The following TMEM156 variants were observed in gnomAD, a reference collection of about 807,000 sequenced individuals.
The protein encoded by TMEM156 is transmembrane protein 156.
Under a neutral mutation model 30.5 loss-of-function variants are expected in TMEM156, and 28 were observed. The observed-to-expected ratio is 0.92, with a 90% CI of 0.68 to 1.26. The LOEUF (loss-of-function observed/expected upper bound fraction) is 1.26. Among genes scored for constraint, TMEM156 ranks in the 50% most tolerant of loss-of-function variants. TMEM156 has a pLI of 0.00. For missense variants in TMEM156, 351 were observed against 340.6 expected (o/e 1.03, Z -0.24); for synonymous variants, 137 against 119.9 (o/e 1.14, Z -0.93).
intron 5 of TMEM156, among the ~76,000 whole-genome samples, chr4:38,973,989 G>A (rs1227057007): frequency 6.6e-6 from 1 of 151,894 alleles, no homozygotes; most frequent in African/African-American, 2.4e-5. Context: ...ATGATGATGA[G>A]TAACAGGTTT....
At chr4:39,012,314 A>T (rs1180764840) in intron 1 of TMEM156, among the ~76,000 whole-genome samples, 2 of 152,344 alleles carry the variant, frequency 1.3e-5, no homozygotes, top group South Asian at 4.1e-4. Flanking sequence ...TCTTTGTAAA[A>T]GAGAAATATT....
At chr4:38,967,671 T>C (rs1722409658) in intron 6 of TMEM156, 30 bp from the exon 7 acceptor site, 1 of 152,254 alleles carries the variant, frequency 6.6e-6, no homozygotes, top group South Asian at 2.1e-4. Flanking sequence ...CAAGAAAATA[T>C]TATTCACACA....
chr4:38,991,791 T>A (rs1026854482), intron 3 of TMEM156, among the ~76,000 whole-genome samples: 1 of 152,188 alleles, frequency 6.6e-6, no homozygotes, highest in African/African-American at 2.4e-5. Context: ...AAAAAATATG[T>A]TTTTGATGTC....
Position 38,975,414 on chromosome 4 carries a change from G to A in TMEM156, c.824-4277C>T, listed in dbSNP as rs1300094257. Among the ~76,000 whole-genome samples the A allele has an allele frequency of 4.7e-5, 6 of 128,640 alleles. No homozygotes were observed. In the South Asian group the frequency reaches 7.1e-4, roughly 15 times the overall value. The allele number at this position is 128,640 out of a possible 152,430, so 84.4% of individuals were successfully genotyped here. On this transcript the variant is annotated intron_variant, in intron 5 of 6. Transcript: ENST00000381938. ...TTTTTTTTTTTTGAGACAGAGTCTC[G>A]CTTTTTCACCCAAGCTGGAGTGCAG... is the stretch of plus-strand genomic sequence containing the variant.
intron 2 of TMEM156, among the ~76,000 whole-genome samples, chr4:38,994,555 A>G (rs567823089): frequency 6.6e-6 from 1 of 152,348 alleles, no homozygotes; most frequent in Admixed American, 6.5e-5. Flanking sequence ...GACAGACTGT[A>G]TTGTGTGACC....
intron 5 of TMEM156, among the ~76,000 whole-genome samples, chr4:38,973,917 A>C (rs1722723977): frequency 6.6e-6 from 1 of 152,184 alleles, no homozygotes; most frequent in Non-Finnish European, 1.5e-5. Context: ...TGAAAAATGC[A>C]TTGTATTTTG....
At chr4:38,981,391 T>C (rs1711535876) in intron 5 of TMEM156, among the ~76,000 whole-genome samples, 1 of 152,184 alleles carries the variant, frequency 6.6e-6, no homozygotes, top group Non-Finnish European at 1.5e-5. Flanking sequence ...CTCACATTAA[T>C]TGCAAGAAAA....
chr4:38,972,386 G>A (rs1452163153), intron 5 of TMEM156, among the ~76,000 whole-genome samples: 1 of 150,584 alleles, frequency 6.6e-6, no homozygotes, highest in Non-Finnish European at 1.5e-5. Context: ...GAGTAGCTGG[G>A]ATCACAGATG....
chr4:39,025,113 C>A (rs147975312), intron 1 of TMEM156, among the ~76,000 whole-genome samples: 2,374 of 152,078 alleles, frequency 0.016, 32 homozygotes, highest in Non-Finnish European at 0.024. Flanking sequence ...CTTTGGGAGG[C>A]TGAGGTGGGC....
chr4:39,002,375 C>T (rs1370605816), intron 1 of TMEM156, among the ~76,000 whole-genome samples: 1 of 149,892 alleles, frequency 6.7e-6, no homozygotes, highest in Non-Finnish European at 1.5e-5. Context: ...ATTAAAAAGT[C>T]AGGAAACGAC....
At chr4:38,984,345 C>G (rs1432625306) in intron 5 of TMEM156, among the ~76,000 whole-genome samples, 14 of 114,918 alleles carry the variant, frequency 1.2e-4, no homozygotes, top group African/African-American at 2.4e-4. Context: ...CTCTCTCTCT[C>G]TCTCTGTGTG....
At position 39,032,363 on chromosome 4, in the gene TMEM156, G is replaced by A. The variant is rs1442606288; in HGVS notation, c.-50C>T. ...TTCCCTTGCAGTACATTCATGGTAT[G>A]TTGCTTCCTGCTTTAAGTTTATCTC... On this transcript the variant is annotated 5_prime_UTR_variant, in exon 1 of 7. Transcript: ENST00000381938. 1 of 1,151,338 alleles carries A rather than the reference G, an allele frequency of 8.7e-7. No individual in the cohort carries two copies. The highest frequency in any genetic ancestry group is 2.5e-5 in the East Asian group (1 of 40,758). The allele number at this position is 1,151,338 out of a possible 1,614,324, so 71.3% of individuals were successfully genotyped here.
At chr4:39,002,423 T>A (rs1204457791) in intron 1 of TMEM156, among the ~76,000 whole-genome samples, 1 of 136,418 alleles carries the variant, frequency 7.3e-6, no homozygotes, top group Non-Finnish European at 1.6e-5. Context: ...GGAACACTTT[T>A]ACACTGTTGG....
intron 5 of TMEM156, among the ~76,000 whole-genome samples, chr4:38,978,584 T>G (rs1013372082): frequency 3.9e-5 from 6 of 152,126 alleles, no homozygotes; most frequent in African/African-American, 1.4e-4. Context: ...CACCCATGAT[T>G]TGGGGGTAAC....
At chr4:38,971,360 G>A (rs112317760) in intron 5 of TMEM156, among the ~76,000 whole-genome samples, 1 of 152,126 alleles carries the variant, frequency 6.6e-6, no homozygotes, top group East Asian at 1.9e-4. Context: ...CTGAAGCATA[G>A]TTAAGGAAGA....
At chr4:39,019,554 C>T (rs1048869811) in intron 1 of TMEM156, among the ~76,000 whole-genome samples, 1 of 152,084 alleles carries the variant, frequency 6.6e-6, no homozygotes, top group African/African-American at 2.4e-5. Context: ...TGTTTGTCCT[C>T]CCTATTAACT....
chr4:39,025,437 C>A (rs1361263282), intron 1 of TMEM156, among the ~76,000 whole-genome samples: 1 of 151,240 alleles, frequency 6.6e-6, no homozygotes, highest in African/African-American at 2.4e-5. Flanking sequence ...AATTTGGAGG[C>A]CAATCATTGA....
intron 5 of TMEM156, among the ~76,000 whole-genome samples, chr4:38,976,900 T>C (rs577234291): frequency 3.3e-5 from 5 of 151,598 alleles, no homozygotes; most frequent in African/African-American, 1.2e-4. Flanking sequence ...TTTGTTGTTG[T>C]TGTTGTTGTT....
At chr4:38,999,615 T>C (rs1398011515) in intron 1 of TMEM156, among the ~76,000 whole-genome samples, 1 of 152,158 alleles carries the variant, frequency 6.6e-6, no homozygotes, top group African/African-American at 2.4e-5. Flanking sequence ...CAAGAAAAAT[T>C]CATTCTCTCA....
Sources: gnomAD v4.1 joint callset for allele counts (sites outside exome capture counted in the v4.1 genomes callset) on GRCh38, gnomAD v4.1.1 for gene constraint, MANE v1.5 for transcripts, NCBI Gene and HGNC (gene_info 2026-07-23, HGNC 2026-07-21) for gene names.